The following CMIP variants were observed in gnomAD, a reference collection of about 807,000 sequenced individuals.
The protein encoded by CMIP is C-Maf-inducing protein.
In CMIP, 13 loss-of-function variants were observed where a neutral mutation model predicts 97.3. That is an observed-to-expected ratio of 0.13 (90% CI 0.09 to 0.21). CMIP has a LOEUF of 0.21. Ranked by LOEUF, CMIP falls within the 10% of genes least tolerant of loss-of-function variation. CMIP has a pLI of 1.00. For synonymous variants in CMIP, 538 were observed against 436.3 expected, an observed-to-expected ratio of 1.23 and a Z score of -2.91; for missense variants, 847 against 1,024.9, an observed-to-expected ratio of 0.83 and a Z score of 2.37.
chr16:81,457,095 C>T (rs1906596416), intron 1 of CMIP, among the ~76,000 whole-genome samples: 1 of 152,124 alleles, frequency 6.6e-6, no homozygotes, highest in African/African-American at 2.4e-5. Context: ...GCGTCCCGCC[C>T]TGTCTGGCTT....
intron 3 of CMIP, among the ~76,000 whole-genome samples, chr16:81,632,499 G>A (rs1356654550): frequency 6.6e-6 from 1 of 152,212 alleles, no homozygotes; most frequent in Non-Finnish European, 1.5e-5. Context: ...TAGTTTCATA[G>A]TCTTCCCTTC....
chr16:81,591,830 C>CTTTCT (rs2091471096), intron 1 of CMIP, among the ~76,000 whole-genome samples: 5 of 142,122 alleles, frequency 3.5e-5, no homozygotes, highest in African/African-American at 7.8e-5. Flanking sequence ...TTCTTTCTTT[C>CTTTCT]TTTTTTTTTT....
At chr16:81,535,448 T>C (rs376821506) in intron 1 of CMIP, among the ~76,000 whole-genome samples, 2 of 150,124 alleles carry the variant, frequency 1.3e-5, no homozygotes, top group South Asian at 2.1e-4. Context: ...CTTCTGCTCA[T>C]GGTATAGCAC....
intron 1 of CMIP, among the ~76,000 whole-genome samples, chr16:81,606,074 C>G (rs924732087): frequency 6.6e-6 from 1 of 152,214 alleles, no homozygotes. Flanking sequence ...TAACAGAAGT[C>G]CTCCATCTTT....
intron 1 of CMIP, among the ~76,000 whole-genome samples, chr16:81,521,296 A>G (rs2090022048): frequency 6.6e-6 from 1 of 152,186 alleles, no homozygotes; most frequent in Non-Finnish European, 1.5e-5. Context: ...TGGTAGCAGC[A>G]GGATGTGGTT....
chr16:81,688,905 G>A (rs181971762), intron 10 of CMIP, among the ~76,000 whole-genome samples: 15 of 152,300 alleles, frequency 9.8e-5, no homozygotes, highest in South Asian at 2.1e-4. Flanking sequence ...GAGAACATGC[G>A]GTGTTCGTTT....
chr16:81,579,703 A>G (rs2091262688), intron 1 of CMIP, among the ~76,000 whole-genome samples: 2 of 141,708 alleles, frequency 1.4e-5, no homozygotes, highest in South Asian at 4.8e-4. Context: ...TCATGTAAAA[A>G]AAGAGTTCTG....
intron 1 of CMIP, among the ~76,000 whole-genome samples, chr16:81,490,831 C>G (rs2089394080): frequency 6.6e-6 from 1 of 152,024 alleles, no homozygotes; most frequent in South Asian, 2.1e-4. Flanking sequence ...GCACAGGCCC[C>G]AAGGAGGACA....
intron 1 of CMIP, among the ~76,000 whole-genome samples, chr16:81,568,438 C>A (rs751789812): frequency 6.6e-6 from 1 of 152,194 alleles, no homozygotes; most frequent in Non-Finnish European, 1.5e-5. Context: ...GGCCGTGTGT[C>A]TCCCATCTCA....
intron 1 of CMIP, among the ~76,000 whole-genome samples, chr16:81,457,670 C>A (rs1041988400): frequency 6.6e-6 from 1 of 152,234 alleles, no homozygotes; most frequent in Non-Finnish European, 1.5e-5. Context: ...ACACCTACCT[C>A]GTGAGGTCCC....
chr16:81,595,303 G>A (rs2091536499), intron 1 of CMIP, among the ~76,000 whole-genome samples: 1 of 151,938 alleles, frequency 6.6e-6, no homozygotes, highest in African/African-American at 2.4e-5. Flanking sequence ...GCCTATTCTG[G>A]ACATCTTACA....
chr16:81,677,715 G>A (rs545041331), intron 9 of CMIP, among the ~76,000 whole-genome samples: 1 of 152,354 alleles, frequency 6.6e-6, no homozygotes, highest in South Asian at 2.1e-4. Flanking sequence ...AAGATGCTGT[G>A]CCTGGAGGGT....
chr16:81,507,125 G>A (rs1421618099), intron 1 of CMIP, among the ~76,000 whole-genome samples: 7 of 151,974 alleles, frequency 4.6e-5, no homozygotes, highest in Admixed American at 3.3e-4. Context: ...GCGTGGTGGC[G>A]GGCGCCTGTA....
In CMIP at chr16:81,453,751, G is replaced by T. The variant is rs1223241509; in HGVS notation, c.300+8210G>T. ...CCTGCAGGGGTCTCCCGAGGGTTCT[G>T]CCCCCTCTTTTTCTTGTGAAATGGG... On this transcript the variant is annotated intron_variant, in intron 1 of 20. Coordinates refer to ENST00000537098, the MANE Select transcript of CMIP (RefSeq NM_198390.3). The surrounding 1 kb of genome is among the most constrained non-coding windows in gnomAD (Gnocchi z 4.0). Among the ~76,000 whole-genome samples, 1 of 152,206 alleles carries T rather than the reference G, an allele frequency of 6.6e-6. No individual in the cohort carries two copies. Among genetic ancestry groups the T allele is most frequent in the East Asian group, 1.9e-4 (1 of 5,188 alleles).
At chr16:81,645,558 C>G in intron 3 of CMIP, 1 of 1,536,070 alleles carries the variant, frequency 6.5e-7, no homozygotes. Flanking sequence ...ATGTGCTTGC[C>G]TCTGCTGACA....
At chr16:81,481,411 C>T (rs1908255987) in intron 1 of CMIP, among the ~76,000 whole-genome samples, 1 of 152,168 alleles carries the variant, frequency 6.6e-6, no homozygotes, top group Non-Finnish European at 1.5e-5. Flanking sequence ...GAAGCTTTCC[C>T]AACGTTACAC....
chr16:81,705,665 C>T, intron 19 of CMIP, 61 bp downstream of exon 19: 1 of 1,147,692 alleles, frequency 8.7e-7, no homozygotes, highest in South Asian at 1.3e-5. Context: ...TTCCTTGCTT[C>T]AGCCAAACTG....
intron 1 of CMIP, among the ~76,000 whole-genome samples, chr16:81,497,054 G>A (rs1357640776): frequency 6.6e-6 from 1 of 152,238 alleles, no homozygotes; most frequent in East Asian, 1.9e-4. Context: ...GGATGTCTAG[G>A]CGGAGAGGGA....
In CMIP at chr16:81,660,887, A is replaced by G. The variant is rs376121640; in HGVS notation, c.685A>G (p.Ile229Val). Residue 229 changes from isoleucine (I) to valine (V), a missense_variant, in exon 6 of 21, where the codon ATC (isoleucine) becomes GTC (valine). Around this residue, in one of 4 missense-constraint regions of CMIP, gnomAD observed 285 missense variants for 392.2 expected, o/e 0.73. Coordinates refer to ENST00000537098, the MANE Select transcript of CMIP (RefSeq NM_198390.3). ...ATGCTTGTTTGTTGTGTTTCAGGCAATCGCTCCTTTGCTGGAAAACAACCA... is the reference window on the plus strand; with the variant it reads ...ATGCTTGTTTGTTGTGTTTCAGGCAGTCGCTCCTTTGCTGGAAAACAACCA... ...TQEHENIIVA[I>V]APLLENNHPP... The G allele has an allele frequency of 5.5e-5, 89 of 1,613,824 alleles. No homozygotes were observed. Among genetic ancestry groups the G allele is most frequent in the Middle Eastern group, 4.9e-4 (3 of 6,084 alleles).
Sources: gnomAD v4.1 joint callset for allele counts (sites outside exome capture counted in the v4.1 genomes callset) on GRCh38, gnomAD v4.1.1 for gene constraint, gnomAD v4.1.1 regional missense constraint, Gnocchi (gnomAD v3.1) non-coding constraint, MANE v1.5 for transcripts, NCBI Gene and HGNC (gene_info 2026-07-23, HGNC 2026-07-21) for gene names.